PCCB: variants seen among roughly 807,000 people sequenced by gnomAD.
The protein encoded by PCCB is propionyl-CoA carboxylase beta chain, mitochondrial.
Under a neutral mutation model 60.7 loss-of-function variants are expected in PCCB, and 43 were observed. That is an observed-to-expected ratio of 0.71 (90% CI 0.55 to 0.91). The LOEUF is 0.91. Ranked by LOEUF, PCCB falls within the 40% of genes least tolerant of loss-of-function variation. The pLI is 0.00. For missense variants in PCCB, 766 were observed against 702.8 expected, an observed-to-expected ratio of 1.09 and a Z score of -1.02; for synonymous variants, 276 against 255.9, an observed-to-expected ratio of 1.08 and a Z score of -0.75.
At chr3:136,317,137 C>G in intron 10 of PCCB, 73 bp downstream of exon 10, 1 of 1,495,312 alleles carries the variant, frequency 6.7e-7, no homozygotes, top group Non-Finnish European at 9.2e-7. Context: ...GGTATCCTTT[C>G]TGTCTTTTGC....
chr3:136,328,653 A>C, intron 13 of PCCB, 105 bp from the exon 14 acceptor site: 1 of 878,188 alleles, frequency 1.1e-6, no homozygotes, highest in Non-Finnish European at 1.9e-6. Context: ...CCCTCAGTAC[A>C]CTGATTTACC....
intron 7 of PCCB, among the ~76,000 whole-genome samples, chr3:136,296,688 A>G (rs981458104): frequency 6.6e-6 from 1 of 152,246 alleles, no homozygotes; most frequent in African/African-American, 2.4e-5. Flanking sequence ...AAGTGGCTGT[A>G]CCCATTTATA....
chr3:136,299,890 A>G (rs891657499), intron 8 of PCCB, among the ~76,000 whole-genome samples: 7 of 151,898 alleles, frequency 4.6e-5, no homozygotes, highest in Admixed American at 2.6e-4. Context: ...GTATGTACGT[A>G]TATGCGTACA....
intron 9 of PCCB, among the ~76,000 whole-genome samples, chr3:136,311,443 C>T (rs79324456): frequency 0.016 from 2,407 of 152,206 alleles, 67 homozygotes; most frequent in African/African-American, 0.055. Context: ...CTTCAACTTC[C>T]TGGTCAAGCA....
intron 5 of PCCB, among the ~76,000 whole-genome samples, chr3:136,266,027 A>G (rs1015452994): frequency 1.3e-4 from 19 of 151,428 alleles, no homozygotes; most frequent in African/African-American, 4.4e-4. Context: ...GGGTTTCACC[A>G]TGTTAGCTAG....
At chr3:136,314,372 G>A (rs966862571) in intron 9 of PCCB, among the ~76,000 whole-genome samples, 2 of 152,142 alleles carry the variant, frequency 1.3e-5, no homozygotes, top group South Asian at 2.1e-4. Flanking sequence ...GAAGAAAAGT[G>A]GAATTGGAAA....
intron 5 of PCCB, among the ~76,000 whole-genome samples, chr3:136,272,976 G>A (rs879735440): frequency 2.0e-5 from 3 of 152,116 alleles, no homozygotes; most frequent in Non-Finnish European, 4.4e-5. Flanking sequence ...TTTCCTCTTA[G>A]CACTACTTTT....
chr3:136,311,241 C>T (rs1424105060), intron 9 of PCCB, among the ~76,000 whole-genome samples: 4 of 152,124 alleles, frequency 2.6e-5, no homozygotes, highest in Non-Finnish European at 5.9e-5. Flanking sequence ...TAGAAATCTT[C>T]ATATACGCAA....
chr3:136,250,598 TC>T (rs771885272), intron 1 of PCCB, 40 bp downstream of exon 1: 2 of 1,575,066 alleles, frequency 1.3e-6, no homozygotes, highest in Non-Finnish European at 8.6e-7. Context: ...GCCCCTGGCG[TC>T]CGCGACCTAT....
At chr3:136,270,407 G>T (rs760322057) in intron 5 of PCCB, among the ~76,000 whole-genome samples, 36 of 152,128 alleles carry the variant, frequency 2.4e-4, no homozygotes, top group Admixed American at 3.9e-4. Context: ...TGTGAGGTAG[G>T]TTCCCTATGC....
chr3:136,300,007 CAT>C (rs562455197), intron 8 of PCCB, among the ~76,000 whole-genome samples: 1,582 of 151,952 alleles, frequency 0.01, 31 homozygotes, highest in African/African-American at 0.037. Flanking sequence ...CATACCCACA[CAT>C]ATGCATGTGT....
intron 8 of PCCB, among the ~76,000 whole-genome samples, chr3:136,299,852 A>AT (rs1271374088): frequency 1.3e-5 from 2 of 151,690 alleles, no homozygotes; most frequent in African/African-American, 4.8e-5. Context: ...ATGTATATGC[A>AT]TGCATATGTA....
intron 6 of PCCB, 79 bp downstream of exon 6, chr3:136,284,026 C>A: frequency 2.2e-6 from 2 of 897,198 alleles, no homozygotes; most frequent in Non-Finnish European, 3.7e-6. Context: ...ATTCCTGACC[C>A]AGATCTAGGT....
At chr3:136,254,549 A>T (rs75670688) in intron 1 of PCCB, among the ~76,000 whole-genome samples, 433 of 23,434 alleles carry the variant, frequency 0.018, 3 homozygotes, top group East Asian at 0.14. Context: ...TTTTTTTTTT[A>T]AAAGACAGGT....
chr3:136,317,194 T>G, intron 10 of PCCB, 130 bp downstream of exon 10: 2 of 780,204 alleles, frequency 2.6e-6, no homozygotes, highest in Non-Finnish European at 4.2e-6. Context: ...AAAATCTAAA[T>G]GGTTGTTATA....
chr3:136,321,161 A>G (rs1935094671), intron 10 of PCCB, among the ~76,000 whole-genome samples: 1 of 152,182 alleles, frequency 6.6e-6, no homozygotes, highest in Non-Finnish European at 1.5e-5. Flanking sequence ...CCTGGAATAA[A>G]TCCCACTGGA....
rs775563122 is a variant in PCCB at position 136,328,761 on chromosome 3, G to A, written c.1402G>A (p.Ala468Thr). The A allele has an allele frequency of 6.8e-6, 11 of 1,613,118 alleles. No homozygotes were observed. The East Asian group carries it at 8.9e-5, about 13-fold the overall frequency. The change falls in exon 14 of 15, where the codon GCT becomes ACT. Residue 468 changes from alanine (A) to threonine (T), a missense_variant. Physicochemically the swap from Ala to Thr is moderately conservative, Grantham distance 58. Coordinates refer to ENST00000251654, the MANE Select transcript of PCCB (RefSeq NM_000532.5). ...TCATGAACTCCTCTAATCACAGGGC[G>A]CTGTGGAGATCATCTTCAAAGGGCA... ...AEIAVMGAKGAVEIIFKGHEN... is the reference protein window; with the variant it reads ...AEIAVMGAKGTVEIIFKGHEN...
intron 9 of PCCB, among the ~76,000 whole-genome samples, chr3:136,313,404 G>T (rs1289897983): frequency 6.6e-6 from 1 of 152,286 alleles, no homozygotes; most frequent in East Asian, 1.9e-4. Context: ...AAGTGAAAAA[G>T]AATGATGATC....
intron 5 of PCCB, among the ~76,000 whole-genome samples, chr3:136,265,333 A>G (rs1408826893): frequency 2.0e-5 from 3 of 152,354 alleles, no homozygotes; most frequent in Non-Finnish European, 2.9e-5. Context: ...ACTCACTCCA[A>G]AAATACCTTC....
Sources: gnomAD v4.1 joint callset for allele counts (sites outside exome capture counted in the v4.1 genomes callset) on GRCh38, gnomAD v4.1.1 for gene constraint, MANE v1.5 for transcripts, NCBI Gene and HGNC (gene_info 2026-07-23, HGNC 2026-07-21) for gene names.